Variants in SPAG16 observed in about 807,000 individuals in gnomAD.
SPAG16 encodes sperm associated antigen 16.
Under a neutral mutation model 80.4 loss-of-function variants are expected in SPAG16, and 86 were observed. That is an observed-to-expected ratio of 1.07 (90% confidence interval 0.90 to 1.28). The LOEUF (loss-of-function observed/expected upper bound fraction) is 1.28. SPAG16 is among the 50% of genes most tolerant of loss of function. SPAG16 has a pLI of 0.00. For missense variants in SPAG16, 870 were observed against 765.3 expected (o/e 1.14, Z -1.61); for synonymous variants, 294 against 265.9 (o/e 1.11, Z -1.03).
intron 10 of SPAG16, among the ~76,000 whole-genome samples, chr2:213,607,753 A>G (rs1024436556): frequency 6.6e-6 from 1 of 152,160 alleles, no homozygotes; most frequent in African/African-American, 2.4e-5. Context: ...TACAATTGGG[A>G]TTCTATCTAG....
chr2:214,289,966 A>AT (rs1384583833), intron 15 of SPAG16, among the ~76,000 whole-genome samples: 4 of 152,020 alleles, frequency 2.6e-5, no homozygotes, highest in Admixed American at 1.3e-4. Context: ...CACCTCTTCA[A>AT]TTTTTTTGAA....
intron 9 of SPAG16, among the ~76,000 whole-genome samples, chr2:213,396,360 T>C (rs2068032965): frequency 6.6e-6 from 1 of 152,246 alleles, no homozygotes; most frequent in Non-Finnish European, 1.5e-5. Flanking sequence ...GGACATTCTT[T>C]AACATCTTTC....
intron 12 of SPAG16, among the ~76,000 whole-genome samples, chr2:213,931,610 TA>T (rs1279208440): frequency 6.6e-6 from 1 of 152,156 alleles, no homozygotes; most frequent in African/African-American, 2.4e-5. Flanking sequence ...CCAGGGTGTT[TA>T]AAAGCAAACT....
At chr2:214,363,566 A>T (rs1699307816) in intron 15 of SPAG16, among the ~76,000 whole-genome samples, 1 of 152,042 alleles carries the variant, frequency 6.6e-6, no homozygotes, top group South Asian at 2.1e-4. Flanking sequence ...CAACCTAAAA[A>T]GAAACTCACT....
intron 11 of SPAG16, among the ~76,000 whole-genome samples, chr2:213,882,566 T>C (rs149080138): frequency 6.6e-6 from 1 of 152,324 alleles, no homozygotes; most frequent in East Asian, 1.9e-4. Context: ...ATATATTTCC[T>C]CTAAATTTTC....
intron 15 of SPAG16, among the ~76,000 whole-genome samples, chr2:214,149,965 GTA>G (rs1426247495): frequency 2.1e-4 from 32 of 151,988 alleles, no homozygotes; most frequent in Non-Finnish European, 4.1e-4. Context: ...ACTAAATAAT[GTA>G]TATATGTTAT....
At chr2:214,265,883 C>A (rs112114790) in intron 15 of SPAG16, among the ~76,000 whole-genome samples, 2,588 of 152,056 alleles carry the variant, frequency 0.017, 49 homozygotes, top group African/African-American at 0.04. Context: ...TCCCTCCCAA[C>A]CAATCACTGT....
At chr2:214,126,807 TA>T (rs1335084641) in intron 14 of SPAG16, among the ~76,000 whole-genome samples, 2 of 151,832 alleles carry the variant, frequency 1.3e-5, no homozygotes. Flanking sequence ...TTAACAATAG[TA>T]ATTAACACAT....
intron 15 of SPAG16, among the ~76,000 whole-genome samples, chr2:214,277,833 C>G (rs34415358): frequency 0.41 from 62,730 of 152,096 alleles, 15,227 homozygotes; most frequent in South Asian, 0.58. Flanking sequence ...AACCACTGCT[C>G]TCTTCAGAGC....
At chr2:214,118,694 C>T (rs900785317) in intron 14 of SPAG16, among the ~76,000 whole-genome samples, 1 of 152,110 alleles carries the variant, frequency 6.6e-6, no homozygotes, top group Non-Finnish European at 1.5e-5. Context: ...CCACCCATCC[C>T]TCCTAGACAT....
At chr2:213,757,346 T>C (rs2125507274) in intron 10 of SPAG16, among the ~76,000 whole-genome samples, 1 of 151,588 alleles carries the variant, frequency 6.6e-6, no homozygotes, top group African/African-American at 2.4e-5. Context: ...TTTTCTGAAA[T>C]AGAAAAAGCA....
intron 15 of SPAG16, among the ~76,000 whole-genome samples, chr2:214,370,545 T>G (rs1699746110): frequency 6.6e-6 from 1 of 152,186 alleles, no homozygotes; most frequent in African/African-American, 2.4e-5. Flanking sequence ...GTTAACACAT[T>G]TAACACCTCA....
At chr2:213,909,736 T>C (rs950223513) in intron 11 of SPAG16, among the ~76,000 whole-genome samples, 1 of 152,152 alleles carries the variant, frequency 6.6e-6, no homozygotes, top group African/African-American at 2.4e-5. Context: ...TCAAGATGGA[T>C]TAAAGACTTA....
intron 15 of SPAG16, among the ~76,000 whole-genome samples, chr2:214,295,504 A>G (rs1309266081): frequency 6.6e-6 from 1 of 152,200 alleles, no homozygotes; most frequent in Admixed American, 6.5e-5. Context: ...CAGAAGGGAT[A>G]TGAAGGCCAG....
chr2:213,821,798 A>G (rs1050880686), intron 10 of SPAG16, among the ~76,000 whole-genome samples: 3 of 152,208 alleles, frequency 2.0e-5, no homozygotes, highest in Non-Finnish European at 2.9e-5. Flanking sequence ...ATAAGTGAGA[A>G]TGTAAGAAGT....
At chr2:213,877,447 C>A (rs1232377117) in intron 11 of SPAG16, among the ~76,000 whole-genome samples, 1 of 152,022 alleles carries the variant, frequency 6.6e-6, no homozygotes, top group Non-Finnish European at 1.5e-5. Flanking sequence ...AAAGCTGGGA[C>A]CACAGTCACA....
chr2:213,797,059 AAAAC>A (rs2071087497), intron 10 of SPAG16, among the ~76,000 whole-genome samples: 1 of 152,052 alleles, frequency 6.6e-6, no homozygotes, highest in Non-Finnish European at 1.5e-5. Flanking sequence ...ATTAAAAAAA[AAAAC>A]ATTAAAATAG....
intron 14 of SPAG16, among the ~76,000 whole-genome samples, chr2:214,124,020 T>C (rs1228036970): frequency 6.6e-6 from 1 of 151,972 alleles, no homozygotes; most frequent in East Asian, 1.9e-4. Context: ...CTAGAATTCT[T>C]AGCATAATTC....
At chr2:214,069,327 T>C (rs2050678633) in intron 13 of SPAG16, among the ~76,000 whole-genome samples, 1 of 152,018 alleles carries the variant, frequency 6.6e-6, no homozygotes, top group Admixed American at 6.6e-5. Context: ...CATCACAGAG[T>C]TTAGGTTGCC....
Sources: allele counts gnomAD v4.1 joint callset (sites outside exome capture counted in the v4.1 genomes callset), GRCh38; gene constraint gnomAD v4.1.1; transcripts MANE v1.5; gene names NCBI Gene and HGNC (gene_info 2026-07-23, HGNC 2026-07-21).